Variants in PDE4C observed in about 807,000 individuals in gnomAD.
PDE4C encodes phosphodiesterase 4C.
In PDE4C, 50 loss-of-function variants were observed where a neutral mutation model predicts 63.9. The observed-to-expected ratio is 0.78, with a 90% CI of 0.62 to 0.99. The LOEUF (loss-of-function observed/expected upper bound fraction) is 0.99, where lower values mean the gene tolerates loss of function less well. Among genes scored for constraint, PDE4C ranks in the 50% least tolerant of loss-of-function variants. The pLI, the probability that PDE4C is intolerant of heterozygous loss-of-function variation, is 0.00. For missense variants in PDE4C, 777 were observed against 899.1 expected, an observed-to-expected ratio of 0.86 and a Z score of 1.74; for synonymous variants, 377 against 385.1, an observed-to-expected ratio of 0.98 and a Z score of 0.25.
chr19:18,218,204 G>T, exon 11 of PDE4C: 2 of 1,614,234 alleles, frequency 1.2e-6, no homozygotes, highest in Non-Finnish European at 1.7e-6. Flanking sequence ...CGTGGATGGC[G>T]CTTGCAAAGA....
At position 18,221,246 on chromosome 19, in the gene PDE4C, G is replaced by C; in HGVS notation, c.375+15C>G. 1.3e-6 allele frequency: 2 copies of C among 1,549,582 alleles called. No individual in the cohort carries two copies. Among genetic ancestry groups the C allele is most frequent in the Non-Finnish European group, 8.7e-7 (1 of 1,154,366 alleles). On this transcript the variant is annotated intron_variant, in intron 3 of 14. Transcript: ENST00000262805. The stretch of plus-strand genomic sequence containing the variant: ...TCCGGAGGGGGTCAGGGCAGGGAGG[G>C]CGGGGGACACCCACCTGGGCAAAGG...
upstream of PDE4C, chr19:18,236,975 T>C (rs1357035873): frequency 1.3e-5 from 2 of 152,724 alleles, no homozygotes; most frequent in Non-Finnish European, 2.9e-5. Context: ...ATGGCAGCAA[T>C]GGGGTACCCG....
chr19:18,221,162 C>T (rs1332025634), exon 4 of PDE4C: 3 of 1,583,848 alleles, frequency 1.9e-6, no homozygotes, highest in African/African-American at 1.4e-5. Context: ...CCGAACGGTC[C>T]GCAGACTGGC....
upstream of PDE4C, among the ~76,000 whole-genome samples, chr19:18,235,424 G>C (rs564247453): frequency 6.6e-6 from 1 of 152,238 alleles, no homozygotes; most frequent in East Asian, 1.9e-4. Context: ...ACCCGTCTTG[G>C]CCTCCAAAAG....
downstream of PDE4C, chr19:18,208,294 G>C (rs1343776556): frequency 6.6e-6 from 1 of 152,286 alleles, no homozygotes; most frequent in Non-Finnish European, 1.5e-5. Context: ...ATTCAGGCAC[G>C]CGAAGAGGGA....
intron 1 of PDE4C, among the ~76,000 whole-genome samples, chr19:18,246,477 C>T (rs1234779689): frequency 1.3e-5 from 2 of 152,078 alleles, no homozygotes; most frequent in African/African-American, 4.8e-5. Flanking sequence ...GCCACCGCGC[C>T]CAGACTACCC....
At chr19:18,238,258 T>C (rs1283538326), upstream of PDE4C, among the ~76,000 whole-genome samples, 1 of 150,278 alleles carries the variant, frequency 6.7e-6, no homozygotes, top group African/African-American at 2.5e-5. Context: ...TTTTTCGAGA[T>C]GGAGTCTCGC....
chr19:18,208,340 G>A (rs1215583038), downstream of PDE4C: 1 of 152,276 alleles, frequency 6.6e-6, no homozygotes, highest in African/African-American at 2.4e-5. Flanking sequence ...GGCTTCCGGA[G>A]GCGGGGATCG....
chr19:18,246,210 G>T (rs1969129166), intron 1 of PDE4C, among the ~76,000 whole-genome samples: 1 of 142,722 alleles, frequency 7.0e-6, no homozygotes, highest in African/African-American at 2.6e-5. Flanking sequence ...TTGAGATGGA[G>T]TCTCGCTCTG....
chr19:18,235,172 AGTTT>A (rs777024015), upstream of PDE4C, among the ~76,000 whole-genome samples: 8 of 152,092 alleles, frequency 5.3e-5, no homozygotes, highest in East Asian at 1.2e-3. Context: ...TGGTGTGTCT[AGTTT>A]GTTTGTTTGT....
intron 2 of PDE4C, 43 bp from the exon 3 acceptor site, chr19:18,221,340 C>T: frequency 6.5e-7 from 1 of 1,531,726 alleles, no homozygotes; most frequent in Non-Finnish European, 8.8e-7. Context: ...CTCCCATCTT[C>T]CAGCTTTTTA....
intron 7 of PDE4C, chr19:18,219,648 A>C: frequency 2.3e-6 from 1 of 435,626 alleles, no homozygotes; most frequent in Non-Finnish European, 4.1e-6. Context: ...ATACGGTGAA[A>C]CCCCATCGCT....
intron 1 of PDE4C, among the ~76,000 whole-genome samples, chr19:18,239,120 G>A (rs1369750854): frequency 2.0e-5 from 3 of 152,014 alleles, no homozygotes; most frequent in African/African-American, 7.3e-5. Flanking sequence ...TACATGGATG[G>A]GCTCATGAAG....
intron 1 of PDE4C, chr19:18,224,508 G>C (rs895910718): frequency 1.0e-6 from 1 of 985,368 alleles, no homozygotes; most frequent in Admixed American, 6.1e-5. Context: ...ACTTGGTCAC[G>C]AAGAGTTTGT....
chr19:18,226,421 G>GGACT, exon 1 of PDE4C: 1 of 1,417,998 alleles, frequency 7.1e-7, no homozygotes, highest in Non-Finnish European at 9.2e-7. Context: ...TGCATCGCCA[G>GGACT]GACTGCGTGG....
At chr19:18,229,623 C>T (rs1968809389), upstream of PDE4C, among the ~76,000 whole-genome samples, 1 of 152,118 alleles carries the variant, frequency 6.6e-6, no homozygotes, top group Non-Finnish European at 1.5e-5. Flanking sequence ...CCACTGCCAC[C>T]AGGTGGCCCC....
chr19:18,221,052 G>GCCAGGCC, intron 4 of PDE4C, 53 bp downstream of exon 4: 1 of 1,245,308 alleles, frequency 8.0e-7, no homozygotes, highest in Non-Finnish European at 1.1e-6. Flanking sequence ...CCCGCTTTCC[G>GCCAGGCC]CCCACCTTGT....
At chr19:18,214,015 T>A (rs1378625468) in intron 12 of PDE4C, among the ~76,000 whole-genome samples, 1 of 152,066 alleles carries the variant, frequency 6.6e-6, no homozygotes, top group Non-Finnish European at 1.5e-5. Context: ...TCCCAGCACT[T>A]TGGGAGGCCG....
Position 18,220,576 on chromosome 19 carries a change from C to A in PDE4C, c.500-61G>T. ...CCCCGCTCAGGGACCCCACGCCTCT[C>A]GCGACTTCGTCTCTTCATCTGGACC... On this transcript the variant is annotated intron_variant, in intron 5 of 14. Transcript: ENST00000262805. The surrounding 1 kb of genome is among the most constrained non-coding windows in gnomAD (Gnocchi z 5.1). 7.1e-7 allele frequency: 1 copy of A among 1,413,828 alleles called. No homozygotes were observed. The highest frequency in any genetic ancestry group is 9.8e-7 in the Non-Finnish European group (1 of 1,017,110). The allele number at this position is 1,413,828 out of a possible 1,614,324, so 87.6% of individuals were successfully genotyped here. A position where few individuals can be genotyped will look rare whatever the true frequency, so the allele number is the denominator to read the frequency against.
Sources: gnomAD v4.1 joint callset for allele counts (sites outside exome capture counted in the v4.1 genomes callset) on GRCh38, gnomAD v4.1.1 for gene constraint, Gnocchi (gnomAD v3.1) non-coding constraint, MANE v1.5 for transcripts, NCBI Gene and HGNC (gene_info 2026-07-23, HGNC 2026-07-21) for gene names.